Variants in TMLHE observed in about 807,000 individuals in gnomAD.
TMLHE encodes trimethyllysine dioxygenase, mitochondrial.
Under a neutral mutation model 25.7 loss-of-function variants are expected in TMLHE, and 18 were observed. The observed-to-expected ratio is 0.70, with a 90% CI of 0.48 to 1.04. The LOEUF is 1.04. Ranked by LOEUF, TMLHE falls within the 50% of genes least tolerant of loss-of-function variation. TMLHE has a pLI of 0.00. For synonymous variants in TMLHE, 105 were observed against 97.0 expected, an observed-to-expected ratio of 1.08 and a Z score of -0.49; for missense variants, 236 against 259.0, an observed-to-expected ratio of 0.91 and a Z score of 0.61.
chrX:155,537,177 C>T (rs1373637510), intron 2 of TMLHE, among the ~76,000 whole-genome samples: 2 of 112,061 alleles, frequency 1.8e-5, no homozygotes, highest in Non-Finnish European at 3.8e-5. Context: ...AGAAAGAGCA[C>T]TCTAGTTTCA....
intron 1 of TMLHE, among the ~76,000 whole-genome samples, chrX:155,594,024 G>T (rs7876906): frequency 0.049 from 5,429 of 111,434 alleles, 316 homozygotes; most frequent in African/African-American, 0.17. Flanking sequence ...GGCTATTTAA[G>T]GAAATAATGG....
Position 155,571,128 on chromosome X carries a change from G to A in TMLHE, c.-1-25851C>T, listed in dbSNP as rs782674189. On this transcript the variant is annotated intron_variant, in intron 1 of 7. Coordinates refer to ENST00000334398, the MANE Select transcript of TMLHE (RefSeq NM_018196.4). ...GAAAAGAGAGAAGAATCAAATAGAC[G>A]CAATAAAAAATGATAAAGGGGATAG... is the stretch of plus-strand genomic sequence containing the variant. 2.5e-4 allele frequency among the ~76,000 whole-genome samples: 14 copies of A among 56,381 alleles called. 2 individuals are homozygous for A. The South Asian group carries it at 9.1e-3, about 37-fold the overall frequency. The allele number at this position is 56,381 out of a possible 115,157, so 49.0% of individuals were successfully genotyped here.
Position 155,609,205 on chromosome X carries a change from G to A in TMLHE, c.-2+3587C>T, listed in dbSNP as rs782327725. Among the ~76,000 whole-genome samples the A allele has an allele frequency of 8.9e-5, 10 of 112,131 alleles. No homozygotes were observed. The South Asian group carries it at 3.3e-3, about 37-fold the overall frequency. On this transcript the variant is annotated intron_variant, in intron 1 of 7. Transcript: ENST00000334398. ...CATATACACCATGGAATACTATGCAGCCACAAAAAGAATGAGATCATGTCC... is the reference window on the plus strand; with the variant it reads ...CATATACACCATGGAATACTATGCAACCACAAAAAGAATGAGATCATGTCC...
chrX:155,549,385 T>C lies in TMLHE; in HGVS notation c.-1-4108A>G, dbSNP rs782009500. 1.4e-4 allele frequency among the ~76,000 whole-genome samples: 15 copies of C among 110,501 alleles called. No individual in the cohort carries two copies. In the South Asian group the frequency reaches 5.7e-3, roughly 42 times the overall value. ...TTGTTATTGTTATTAATGGCCTTTT[T>C]CTGGTTGGGGAAGTTTCCTTCAATT... On this transcript the variant is annotated intron_variant, in intron 1 of 7. Transcript: ENST00000334398.
chrX:155,534,700 C>T (rs1244393431), intron 2 of TMLHE, among the ~76,000 whole-genome samples: 2 of 111,580 alleles, frequency 1.8e-5, no homozygotes, highest in Non-Finnish European at 3.8e-5. Flanking sequence ...TTAGTTGAGA[C>T]TTTGGAATTT....
intron 1 of TMLHE, among the ~76,000 whole-genome samples, chrX:155,604,707 A>G (rs372560001): frequency 9.0e-6 from 1 of 111,639 alleles, no homozygotes; most frequent in East Asian, 2.8e-4. Flanking sequence ...ACACAAGGAA[A>G]TAGAGGAGTC....
At chrX:155,592,350 T>C (rs2067698318) in intron 1 of TMLHE, among the ~76,000 whole-genome samples, 1 of 112,194 alleles carries the variant, frequency 8.9e-6, no homozygotes, top group Non-Finnish European at 1.9e-5. Flanking sequence ...CTTCTCTCCA[T>C]AGAAAGTGCA....
intron 4 of TMLHE, among the ~76,000 whole-genome samples, chrX:155,513,777 C>A (rs1478757622): frequency 3.6e-5 from 4 of 111,139 alleles, no homozygotes; most frequent in African/African-American, 1.3e-4. Flanking sequence ...AATGACTCTG[C>A]AGTCATCATT....
At chrX:155,509,668 T>A (rs781816778) in intron 5 of TMLHE, among the ~76,000 whole-genome samples, 1 of 111,944 alleles carries the variant, frequency 8.9e-6, no homozygotes, top group African/African-American at 3.2e-5. Flanking sequence ...TCAGGATATC[T>A]AAAAGCTGCT....
chrX:155,538,644 C>A (rs973043475), intron 2 of TMLHE, among the ~76,000 whole-genome samples: 5 of 111,850 alleles, frequency 4.5e-5, no homozygotes, highest in Non-Finnish European at 9.4e-5. Context: ...TCTTCACAAA[C>A]TGATGCCCCA....
chrX:155,580,103 C>T (rs2067616408), intron 1 of TMLHE, among the ~76,000 whole-genome samples: 1 of 111,571 alleles, frequency 9.0e-6, no homozygotes, highest in African/African-American at 3.3e-5. Context: ...CAGCAGCCAG[C>T]ACTCAAATTC....
intron 1 of TMLHE, among the ~76,000 whole-genome samples, chrX:155,602,256 C>A (rs1023720373): frequency 2.7e-5 from 3 of 111,300 alleles, no homozygotes; most frequent in African/African-American, 9.8e-5. Flanking sequence ...TAAGGTAATA[C>A]CCTATGTTAC....
chrX:155,574,291 G>A (rs1301212263), intron 1 of TMLHE, among the ~76,000 whole-genome samples: 1 of 103,148 alleles, frequency 9.7e-6, no homozygotes, highest in African/African-American at 4.4e-5. Context: ...GCTTATGAAA[G>A]GTCAGAGTGG....
At chrX:155,549,001 G>C (rs1482497920) in intron 1 of TMLHE, among the ~76,000 whole-genome samples, 1 of 110,502 alleles carries the variant, frequency 9.0e-6, no homozygotes, top group African/African-American at 3.3e-5. Flanking sequence ...ATTCCTAAGT[G>C]ATTTCTTGTG....
chrX:155,506,896 A>G lies in TMLHE; in HGVS notation c.995+2T>C, dbSNP rs1355850243. The G allele has an allele frequency of 8.3e-7, 1 of 1,198,482 alleles. No individual in the cohort carries two copies. On this transcript the variant is annotated splice_donor_variant, in intron 6 of 7. Coordinates refer to ENST00000334398, the MANE Select transcript of TMLHE (RefSeq NM_018196.4). LOFTEE classifies it high-confidence loss of function. ...AGTTGGGGATAGTTCTTTGATACTCACCTGATCAAATACAGCTCTTTATTC... is the reference window on the plus strand; with the variant it reads ...AGTTGGGGATAGTTCTTTGATACTCGCCTGATCAAATACAGCTCTTTATTC...
chrX:155,599,817 C>T lies in TMLHE; in HGVS notation c.-2+12975G>A, dbSNP rs782193369. ...CAACAGGCATCTTGCCACCATCAAC[C>T]GGCATCTTGCCATGTCTAGGGAGTG... On this transcript the variant is annotated intron_variant, in intron 1 of 7. Transcript: ENST00000334398. 1.5e-4 allele frequency among the ~76,000 whole-genome samples: 17 copies of T among 111,252 alleles called. No homozygotes were observed. In the East Asian group the frequency reaches 3.1e-3, roughly 20 times the overall value.
intron 2 of TMLHE, among the ~76,000 whole-genome samples, chrX:155,534,778 G>T (rs1331128129): frequency 9.0e-6 from 1 of 111,594 alleles, no homozygotes; most frequent in Non-Finnish European, 1.9e-5. Flanking sequence ...TGTATTTTAT[G>T]TGAGAAGAAT....
chrX:155,505,080 G>C (rs2067068628), intron 6 of TMLHE, among the ~76,000 whole-genome samples: 1 of 111,666 alleles, frequency 9.0e-6, no homozygotes, highest in African/African-American at 3.2e-5. Context: ...AAATGTTGAA[G>C]TATTAGGGAG....
At chrX:155,573,183 G>T (rs1603076427) in intron 1 of TMLHE, among the ~76,000 whole-genome samples, 1 of 57,819 alleles carries the variant, frequency 1.7e-5, no homozygotes. Flanking sequence ...GATATGAACA[G>T]ACACTTCTCA....
Sources: allele counts gnomAD v4.1 joint callset (sites outside exome capture counted in the v4.1 genomes callset), GRCh38; gene constraint gnomAD v4.1.1; transcripts MANE v1.5; gene names NCBI Gene and HGNC (gene_info 2026-07-23, HGNC 2026-07-21).